The following ABCC1 variants were observed in gnomAD, a reference collection of about 807,000 sequenced individuals.
ABCC1 encodes multidrug resistance-associated protein 1.
Under a neutral mutation model 172.9 loss-of-function variants are expected in ABCC1, and 83 were observed. The observed-to-expected ratio is 0.48, with a 90% CI of 0.40 to 0.58. The LOEUF (loss-of-function observed/expected upper bound fraction) is 0.58. Among genes scored for constraint, ABCC1 ranks in the 20% least tolerant of loss-of-function variants. The pLI is 0.00. For synonymous variants in ABCC1, 937 were observed against 825.2 expected, an observed-to-expected ratio of 1.14 and a Z score of -2.32; for missense variants, 1,817 against 2,002.7, an observed-to-expected ratio of 0.91 and a Z score of 1.77.
rs115751218 is a variant in ABCC1, at chr16:16,110,545, A to G, written c.2872-830A>G. Among the ~76,000 whole-genome samples, 1,158 of 151,858 alleles carry G rather than the reference A, an allele frequency of 7.6e-3. 14 individuals carry two copies. The highest frequency in any genetic ancestry group is 0.026 in the African/African-American group (1,067 of 41,400). On this transcript the variant is annotated intron_variant, in intron 21 of 30. Coordinates refer to ENST00000399410, the MANE Select transcript of ABCC1 (RefSeq NM_004996.4). ...GCTGAGATGACATGTGCCTACCACCATGCCCAGCTAATTTTTGTATTTTAG... is the reference window on the plus strand; with the variant it reads ...GCTGAGATGACATGTGCCTACCACCGTGCCCAGCTAATTTTTGTATTTTAG...
rs528412791 is a variant in ABCC1, at chr16:15,982,082, G to A, written c.49-25734G>A. Among the ~76,000 whole-genome samples the A allele has an allele frequency of 5.3e-5, 8 of 152,236 alleles. No homozygotes were observed. In the East Asian group the frequency reaches 1.4e-3, roughly 26 times the overall value. On this transcript the variant is annotated intron_variant, in intron 1 of 30. Coordinates refer to ENST00000399410, the MANE Select transcript of ABCC1 (RefSeq NM_004996.4). ...CTTCATTGTCCATATCACTATCAGC[G>A]TTTTGGTCCAAGTCATTCAATAAGT...
At chr16:15,967,844 G>A (rs1452436448) in intron 1 of ABCC1, among the ~76,000 whole-genome samples, 1 of 151,568 alleles carries the variant, frequency 6.6e-6, no homozygotes. Flanking sequence ...ACAACTCTGA[G>A]AACTGCTGAC....
At chr16:16,045,453 A>T (rs1306921653) in intron 8 of ABCC1, among the ~76,000 whole-genome samples, 1 of 151,724 alleles carries the variant, frequency 6.6e-6, no homozygotes, top group African/African-American at 2.4e-5. Context: ...GCAACCAGGA[A>T]CTGGGGAGTC....
At chr16:16,042,608 C>T (rs1006904690) in intron 7 of ABCC1, among the ~76,000 whole-genome samples, 1 of 151,132 alleles carries the variant, frequency 6.6e-6, no homozygotes, top group African/African-American at 2.4e-5. Flanking sequence ...GAGGCTGAGG[C>T]AGGAGAATCG....
intron 16 of ABCC1, 82 bp downstream of exon 16, chr16:16,079,560 A>T: frequency 6.6e-7 from 1 of 1,517,006 alleles, no homozygotes; most frequent in Non-Finnish European, 8.9e-7. Context: ...GTTTCTTTTG[A>T]CTGTCCCTGT....
chr16:15,952,022 G>C (rs1398137023), intron 1 of ABCC1, among the ~76,000 whole-genome samples: 1 of 152,160 alleles, frequency 6.6e-6, no homozygotes, highest in Non-Finnish European at 1.5e-5. Flanking sequence ...CGTGTCCGAG[G>C]CCAGGAGCGA....
chr16:16,064,736 A>G (rs1451542398), intron 12 of ABCC1, among the ~76,000 whole-genome samples: 1 of 152,128 alleles, frequency 6.6e-6, no homozygotes, highest in Non-Finnish European at 1.5e-5. Flanking sequence ...TCCATTATCT[A>G]TCCAGCAGAC....
intron 20 of ABCC1, among the ~76,000 whole-genome samples, chr16:16,105,683 A>G (rs953936581): frequency 2.0e-5 from 3 of 149,794 alleles, no homozygotes; most frequent in African/African-American, 7.4e-5. Context: ...TGTGTTTTGC[A>G]TGGTCTCCAT....
chr16:15,987,676 C>T (rs1230446747), intron 1 of ABCC1, among the ~76,000 whole-genome samples: 2 of 152,222 alleles, frequency 1.3e-5, no homozygotes, highest in Non-Finnish European at 2.9e-5. Context: ...ACATAGATCA[C>T]GGCACATCAA....
chr16:15,960,098 G>GT (rs1442186209), intron 1 of ABCC1, among the ~76,000 whole-genome samples: 6 of 152,160 alleles, frequency 3.9e-5, no homozygotes, highest in Admixed American at 1.3e-4. Flanking sequence ...TTTGTGTGGT[G>GT]TTTGACTGAT....
intron 1 of ABCC1, among the ~76,000 whole-genome samples, chr16:15,960,104 CTGAT>C (rs1292599301): frequency 6.6e-6 from 1 of 152,104 alleles, no homozygotes; most frequent in Non-Finnish European, 1.5e-5. Context: ...TGGTGTTTGA[CTGAT>C]TGATGGATGG....
intron 1 of ABCC1, 48 bp downstream of exon 1, chr16:15,949,847 C>A (rs2045823995): frequency 1.7e-6 from 2 of 1,184,520 alleles, no homozygotes; most frequent in African/African-American, 3.2e-5. Flanking sequence ...GGGAGGCCGG[C>A]GGGGAGGGAA....
At chr16:16,129,791 G>A (rs1419033544) in intron 26 of ABCC1, among the ~76,000 whole-genome samples, 1 of 152,040 alleles carries the variant, frequency 6.6e-6, no homozygotes, top group African/African-American at 2.4e-5. Context: ...GCCCACCTCG[G>A]CCTCCCTAAG....
chr16:16,131,722 CAG>C, intron 26 of ABCC1, 65 bp from the exon 27 acceptor site: 1 of 1,564,046 alleles, frequency 6.4e-7, no homozygotes, highest in Non-Finnish European at 8.7e-7. Flanking sequence ...GAGGGGAGGT[CAG>C]GGGAGTCACA....
At chr16:16,127,564 TGAA>T (rs1193506250) in intron 26 of ABCC1, among the ~76,000 whole-genome samples, 2 of 152,184 alleles carry the variant, frequency 1.3e-5, no homozygotes, top group African/African-American at 2.4e-5. Flanking sequence ...GACAAAAAGC[TGAA>T]GTTACTTGCC....
intron 9 of ABCC1, among the ~76,000 whole-genome samples, chr16:16,047,613 A>G (rs577604283): frequency 6.6e-6 from 1 of 152,160 alleles, no homozygotes; most frequent in African/African-American, 2.4e-5. Flanking sequence ...GAGGCCAGGT[A>G]TTGCTGCTAA....
intron 20 of ABCC1, among the ~76,000 whole-genome samples, chr16:16,105,234 C>G (rs573053303): frequency 1.1e-4 from 16 of 152,326 alleles, no homozygotes; most frequent in African/African-American, 3.8e-4. Flanking sequence ...CCAGACAGTG[C>G]ATGAGTGTAG....
chr16:16,113,694 A>C (rs2044724576), intron 22 of ABCC1, among the ~76,000 whole-genome samples: 1 of 152,276 alleles, frequency 6.6e-6, no homozygotes, highest in East Asian at 1.9e-4. Flanking sequence ...ATTCGATTAG[A>C]CTAGACACGT....
chr16:16,068,227 C>G lies in ABCC1; in HGVS notation c.1749C>G (p.Phe583Leu), dbSNP rs1325918780. ...ENNILDAQTA[F>L]VSLALFNILR... is the part of the protein sequence containing the mutation. ...ACATCCTGGATGCCCAGACAGCCTTCGTGTCTTTGGCCTTGTTCAACATCC... is the reference window on the plus strand; with the variant it reads ...ACATCCTGGATGCCCAGACAGCCTTGGTGTCTTTGGCCTTGTTCAACATCC... The change falls in exon 13 of 31, where the codon TTC (phenylalanine) becomes TTG (leucine). Residue 583 changes from phenylalanine (F) to leucine (L), a missense_variant. Phe to Leu is a conservative substitution (Grantham distance 22). Around this residue, in one of 3 missense-constraint regions of ABCC1, gnomAD observed 1,412 missense variants for 1,600.3 expected, o/e 0.88. Transcript: ENST00000399410. The G allele has an allele frequency of 6.2e-7, 1 of 1,614,056 alleles. No individual in the cohort carries two copies. Among genetic ancestry groups the G allele is most frequent in the Non-Finnish European group, 8.5e-7 (1 of 1,180,032 alleles).
Sources: allele counts gnomAD v4.1 joint callset (sites outside exome capture counted in the v4.1 genomes callset), GRCh38; gene constraint gnomAD v4.1.1; regional missense constraint gnomAD v4.1.1; transcripts MANE v1.5; gene names NCBI Gene and HGNC (gene_info 2026-07-23, HGNC 2026-07-21).